Variants in DAB1 observed in about 807,000 individuals in gnomAD.
DAB1 encodes the protein DAB adaptor protein 1.
DAB1 carries 15 observed loss-of-function variants against 64.6 expected under a neutral mutation model. The observed-to-expected ratio is 0.23, with a 90% CI of 0.16 to 0.36. The LOEUF (loss-of-function observed/expected upper bound fraction) is 0.36. DAB1 is among the 10% of genes least tolerant of loss of function. The pLI is 1.00. For missense variants in DAB1, 596 were observed against 706.7 expected, an observed-to-expected ratio of 0.84 and a Z score of 1.78; for synonymous variants, 235 against 251.9, an observed-to-expected ratio of 0.93 and a Z score of 0.64.
chr1:57,407,269 C>T (rs1368554906), intron 1 of DAB1, among the ~76,000 whole-genome samples: 1 of 152,060 alleles, frequency 6.6e-6, no homozygotes, highest in African/African-American at 2.4e-5. Context: ...AAGGTCACAG[C>T]AAAACGTGAC....
chr1:57,322,337 A>C (rs995332955), intron 1 of DAB1, among the ~76,000 whole-genome samples: 1 of 152,158 alleles, frequency 6.6e-6, no homozygotes, highest in African/African-American at 2.4e-5. Context: ...TTAGCTGCCC[A>C]ATAAGTATCA....
intron 2 of DAB1, among the ~76,000 whole-genome samples, chr1:57,178,894 C>T (rs1466744561): frequency 1.3e-5 from 2 of 151,988 alleles, no homozygotes; most frequent in African/African-American, 4.8e-5. Flanking sequence ...CCACCCCCAT[C>T]GCCACCTCCT....
chr1:57,105,329 C>G (rs1441552551), intron 4 of DAB1, among the ~76,000 whole-genome samples: 1 of 151,872 alleles, frequency 6.6e-6, no homozygotes, highest in Admixed American at 6.6e-5. Context: ...TTCAAAAAAG[C>G]AAACCTCAAA....
chr1:58,472,232 G>A (rs567472736), intron 3 of DAB1, among the ~76,000 whole-genome samples: 2 of 152,220 alleles, frequency 1.3e-5, no homozygotes, highest in African/African-American at 4.8e-5. Context: ...ATCCCATGGA[G>A]TGCTACTCAC....
intron 2 of DAB1, among the ~76,000 whole-genome samples, chr1:57,208,804 G>A (rs1665789249): frequency 6.6e-6 from 1 of 152,114 alleles, no homozygotes; most frequent in Non-Finnish European, 1.5e-5. Context: ...AAAGTTAAGA[G>A]CTAAAGACAT....
intron 6 of DAB1, among the ~76,000 whole-genome samples, chr1:57,679,988 G>A (rs1442283562): frequency 1.3e-5 from 2 of 152,186 alleles, no homozygotes; most frequent in African/African-American, 2.4e-5. Context: ...TTGTAAATAG[G>A]TGAATGGGAA....
At chr1:57,291,884 A>G (rs1570182861) in intron 1 of DAB1, among the ~76,000 whole-genome samples, 1 of 152,278 alleles carries the variant, frequency 6.6e-6, no homozygotes, top group African/African-American at 2.4e-5. Flanking sequence ...TAATACAACC[A>G]CTTCACTTAC....
chr1:57,426,369 C>T (rs190408567), upstream of DAB1, among the ~76,000 whole-genome samples: 14 of 152,246 alleles, frequency 9.2e-5, no homozygotes, highest in Admixed American at 7.2e-4. Context: ...TTCTCAAATC[C>T]GGGCATAACA....
chr1:58,136,673 T>A (rs1653965795), intron 5 of DAB1, among the ~76,000 whole-genome samples: 1 of 152,246 alleles, frequency 6.6e-6, no homozygotes, highest in African/African-American at 2.4e-5. Context: ...AGGTGTTTCC[T>A]GAACTGATAG....
At chr1:58,544,968 T>TGGGCTCA (rs1553126408) in intron 1 of DAB1, among the ~76,000 whole-genome samples, 1 of 152,152 alleles carries the variant, frequency 6.6e-6, no homozygotes, top group East Asian at 1.9e-4. Flanking sequence ...TTTTAACTCC[T>TGGGCTCA]GGGCTCAACT....
At chr1:58,228,655 T>G in intron 4 of DAB1, 3 of 1,009,246 alleles carry the variant, frequency 3.0e-6, no homozygotes, top group Non-Finnish European at 4.4e-6. Flanking sequence ...GCAAAGCAAA[T>G]GAGGCCAGCC....
intron 1 of DAB1, among the ~76,000 whole-genome samples, chr1:57,354,249 G>A (rs1678873342): frequency 6.6e-6 from 1 of 152,038 alleles, no homozygotes; most frequent in African/African-American, 2.4e-5. Flanking sequence ...AGTAGTATCT[G>A]GCTGACATTC....
intron 6 of DAB1, among the ~76,000 whole-genome samples, chr1:57,719,183 T>C (rs2101755817): frequency 6.6e-6 from 1 of 152,328 alleles, no homozygotes; most frequent in South Asian, 2.1e-4. Flanking sequence ...GTACAATGCT[T>C]TTTAATTAAT....
intron 3 of DAB1, among the ~76,000 whole-genome samples, chr1:58,482,834 G>A (rs2100352220): frequency 6.6e-6 from 1 of 152,236 alleles, no homozygotes; most frequent in South Asian, 2.1e-4. Flanking sequence ...ACAGCCGAGT[G>A]GAGCAGGGTG....
intron 4 of DAB1, among the ~76,000 whole-genome samples, chr1:58,342,061 T>C (rs1643943794): frequency 1.3e-5 from 2 of 152,174 alleles, no homozygotes; most frequent in Admixed American, 1.3e-4. Flanking sequence ...CTTCCATTCA[T>C]AAAATTAAAA....
chr1:58,000,876 T>C (rs540010075), intron 5 of DAB1, among the ~76,000 whole-genome samples: 3 of 151,886 alleles, frequency 2.0e-5, no homozygotes, highest in African/African-American at 7.2e-5. Context: ...CAGCCTTTTT[T>C]GCCTTCTAAT....
chr1:58,375,114 T>C (rs1444142094), intron 3 of DAB1, among the ~76,000 whole-genome samples: 1 of 148,542 alleles, frequency 6.7e-6, no homozygotes, highest in Middle Eastern at 3.5e-3. Context: ...TAAACAATCA[T>C]GTCGTCTGCA....
chr1:57,086,342 G>GC (rs1347624704), intron 4 of DAB1, among the ~76,000 whole-genome samples: 2 of 152,146 alleles, frequency 1.3e-5, no homozygotes, highest in African/African-American at 4.8e-5. Flanking sequence ...CTCAGCTGAA[G>GC]CATCGGGGAG....
intron 14 of DAB1, among the ~76,000 whole-genome samples, chr1:57,004,640 C>G (rs1645997830): frequency 6.6e-6 from 1 of 152,184 alleles, no homozygotes; most frequent in African/African-American, 2.4e-5. Context: ...GTCTTTTAGC[C>G]CTAAAACTTA....
Sources: gnomAD v4.1 joint callset for allele counts (sites outside exome capture counted in the v4.1 genomes callset) on GRCh38, gnomAD v4.1.1 for gene constraint, MANE v1.5 for transcripts, NCBI Gene and HGNC (gene_info 2026-07-23, HGNC 2026-07-21) for gene names.